LIPI: variants seen among roughly 807,000 people sequenced by gnomAD.
The protein encoded by LIPI is lipase member I.
In LIPI, 59 loss-of-function variants were observed where a neutral mutation model predicts 50.6. The ratio of observed to expected loss-of-function variants is 1.16; its 90% CI spans 0.94 to 1.45. The LOEUF (loss-of-function observed/expected upper bound fraction) is 1.45, where lower values mean the gene tolerates loss of function less well. LIPI is among the 40% of genes most tolerant of loss of function. The pLI is 0.00. For synonymous variants in LIPI, 203 were observed against 178.2 expected (o/e 1.14, Z -1.11); for missense variants, 586 against 536.3 (o/e 1.09, Z -0.92).
intron 7 of LIPI, among the ~76,000 whole-genome samples, chr21:14,159,072 A>G (rs2123123362): frequency 6.6e-6 from 1 of 151,638 alleles, no homozygotes; most frequent in East Asian, 1.9e-4. Context: ...AATTAACACA[A>G]ATCTTGCACG....
chr21:14,140,116 CA>C (rs1274592237), intron 9 of LIPI, among the ~76,000 whole-genome samples: 1 of 152,016 alleles, frequency 6.6e-6, no homozygotes, highest in African/African-American at 2.4e-5. Context: ...TATAGGACAA[CA>C]AATTATAGGA....
At chr21:14,188,318 A>C (rs2019525108) in intron 2 of LIPI, among the ~76,000 whole-genome samples, 1 of 152,198 alleles carries the variant, frequency 6.6e-6, no homozygotes, top group South Asian at 2.1e-4. Context: ...CTGTAATCCC[A>C]GCACTTTGGG....
chr21:14,169,582 T>A (rs2018816803), intron 4 of LIPI, among the ~76,000 whole-genome samples: 1 of 152,156 alleles, frequency 6.6e-6, no homozygotes. Flanking sequence ...TTCAACTACA[T>A]GGAAACTGAA....
In LIPI at chr21:14,207,685, T is replaced by A. The variant is rs80355760; in HGVS notation, c.46+3115A>T. On this transcript the variant is annotated intron_variant, in intron 1 of 9. Coordinates refer to ENST00000681601, the MANE Select transcript of LIPI (RefSeq NM_001302998.2). ...TCTGATTTGGTAGATATATCTGCAT[T>A]TTTTTAAGTGGGTAACCCAGAGAAT... Among the ~76,000 whole-genome samples the A allele has an allele frequency of 2.5e-3, 383 of 152,278 alleles. 6 individuals carry two copies. In the East Asian group the frequency reaches 0.043, roughly 17 times the overall value.
At chr21:14,179,077 A>G (rs2019185272) in intron 4 of LIPI, among the ~76,000 whole-genome samples, 1 of 152,078 alleles carries the variant, frequency 6.6e-6, no homozygotes, top group Admixed American at 6.6e-5. Flanking sequence ...TGTTTTGCAA[A>G]CCCAATATGA....
chr21:14,135,331 C>A (rs915475924), intron 9 of LIPI, among the ~76,000 whole-genome samples: 6 of 152,092 alleles, frequency 3.9e-5, no homozygotes, highest in Non-Finnish European at 8.8e-5. Context: ...GAAAAAAACA[C>A]CTTCATAACC....
intron 1 of LIPI, among the ~76,000 whole-genome samples, chr21:14,206,374 T>G (rs981549024): frequency 2.3e-4 from 35 of 152,190 alleles, no homozygotes; most frequent in African/African-American, 8.2e-4. Flanking sequence ...TTTCAAATGC[T>G]TTTTCATGCT....
At position 14,136,446 on chromosome 21, in the gene LIPI, A is replaced by G. The variant is rs562655822; in HGVS notation, c.1295+8177T>C. 9.5e-4 allele frequency among the ~76,000 whole-genome samples: 145 copies of G among 152,274 alleles called. 2 individuals are homozygous for G. In the South Asian group the frequency reaches 0.029, roughly 30 times the overall value. The stretch of plus-strand genomic sequence containing the variant: ...TAGTCTGGCAGTACTTCTTCTGTCC[A>G]AGGGTGGTGGTGCCTATGGGGTGAG... On this transcript the variant is annotated intron_variant, in intron 9 of 9. Coordinates refer to ENST00000681601, the MANE Select transcript of LIPI (RefSeq NM_001302998.2).
At chr21:14,109,128 A>T in intron 9 of LIPI, 48 bp from the exon 10 acceptor site, 3 of 1,428,552 alleles carry the variant, frequency 2.1e-6, no homozygotes, top group South Asian at 1.1e-5. Flanking sequence ...TATTAGTAAA[A>T]CAACAGAGTT....
chr21:14,187,531 T>C (rs1327513010), intron 2 of LIPI, among the ~76,000 whole-genome samples: 2 of 152,210 alleles, frequency 1.3e-5, no homozygotes, highest in Non-Finnish European at 2.9e-5. Context: ...TAGAATTTTA[T>C]CTAATATTAC....
At chr21:14,125,888 G>C (rs2017045019) in intron 9 of LIPI, among the ~76,000 whole-genome samples, 1 of 152,086 alleles carries the variant, frequency 6.6e-6, no homozygotes, top group South Asian at 2.1e-4. Flanking sequence ...TATATCAGTA[G>C]TGACATTAAA....
intron 9 of LIPI, among the ~76,000 whole-genome samples, chr21:14,133,321 G>A (rs566835221): frequency 1.3e-5 from 2 of 152,276 alleles, no homozygotes; most frequent in African/African-American, 2.4e-5. Flanking sequence ...AGGGATGCAA[G>A]GATAGTTCCA....
intron 2 of LIPI, among the ~76,000 whole-genome samples, chr21:14,187,438 G>A (rs1017523609): frequency 5.9e-5 from 9 of 152,118 alleles, no homozygotes; most frequent in African/African-American, 2.2e-4. Flanking sequence ...CAAAACATAA[G>A]GGAGTATCTC....
At chr21:14,135,072 G>C (rs1159557627) in intron 9 of LIPI, among the ~76,000 whole-genome samples, 1 of 150,420 alleles carries the variant, frequency 6.6e-6, no homozygotes, top group Non-Finnish European at 1.5e-5. Context: ...GAATCTATAA[G>C]TAACTCAAAC....
intron 9 of LIPI, among the ~76,000 whole-genome samples, chr21:14,129,809 T>TTTA (rs1555847505): frequency 7.3e-6 from 1 of 136,416 alleles, no homozygotes. Context: ...TTTTTTTTTT[T>TTTA]AAAAAAAAAA....
intron 4 of LIPI, among the ~76,000 whole-genome samples, chr21:14,178,577 T>A (rs2019169466): frequency 2.0e-5 from 3 of 152,200 alleles, no homozygotes; most frequent in Admixed American, 2.0e-4. Flanking sequence ...TACTTACTAA[T>A]TTTTTGTTAA....
intron 9 of LIPI, among the ~76,000 whole-genome samples, chr21:14,143,319 A>G (rs1249449060): frequency 2.0e-5 from 3 of 152,154 alleles, no homozygotes; most frequent in African/African-American, 2.4e-5. Context: ...GGCATTTTCA[A>G]AGGCAAGGAA....
chr21:14,148,500 ATT>A (rs1245303811), intron 8 of LIPI, among the ~76,000 whole-genome samples: 1 of 152,106 alleles, frequency 6.6e-6, no homozygotes, highest in Non-Finnish European at 1.5e-5. Flanking sequence ...ATGACACTAT[ATT>A]TTCACTGTAC....
intron 9 of LIPI, among the ~76,000 whole-genome samples, chr21:14,142,205 C>T (rs548202019): frequency 2.4e-4 from 36 of 152,080 alleles, no homozygotes; most frequent in African/African-American, 7.7e-4. Context: ...GGAGAAATAC[C>T]TAATGTAGAT....
Sources: gnomAD v4.1 joint callset for allele counts (sites outside exome capture counted in the v4.1 genomes callset) on GRCh38, gnomAD v4.1.1 for gene constraint, MANE v1.5 for transcripts, NCBI Gene and HGNC (gene_info 2026-07-23, HGNC 2026-07-21) for gene names.